The following NLRP2 variants were observed in gnomAD, a reference collection of about 807,000 sequenced individuals.
NLRP2 encodes NACHT, LRR and PYD domains-containing protein 2.
In NLRP2, 107 loss-of-function variants were observed where a neutral mutation model predicts 97.2. The observed-to-expected ratio is 1.10, with a 90% CI of 0.94 to 1.29. NLRP2 has a LOEUF of 1.29. NLRP2 is among the 50% of genes most tolerant of loss of function. NLRP2 has a pLI of 0.00. For synonymous variants in NLRP2, 663 were observed against 551.5 expected, an observed-to-expected ratio of 1.20 and a Z score of -2.83; for missense variants, 1,495 against 1,330.3, an observed-to-expected ratio of 1.12 and a Z score of -1.93.
chr19:54,981,213 AGG>A (rs1568489349), intron 4 of NLRP2, among the ~76,000 whole-genome samples: 4 of 151,798 alleles, frequency 2.6e-5, no homozygotes, highest in African/African-American at 9.7e-5. Flanking sequence ...TCTGTTGCCC[AGG>A]GTGGAGTGCA....
intron 12 of NLRP2, among the ~76,000 whole-genome samples, chr19:54,999,739 A>G (rs550860449): frequency 6.6e-6 from 1 of 152,234 alleles, no homozygotes; most frequent in South Asian, 2.1e-4. Context: ...TTTATTATTT[A>G]CTTCATTTAT....
chr19:55,000,173 G>GATAGGATGGCA (rs2073095710), intron 12 of NLRP2, among the ~76,000 whole-genome samples: 1 of 151,172 alleles, frequency 6.6e-6, no homozygotes, highest in Non-Finnish European at 1.5e-5. Flanking sequence ...CAGCTACTCG[G>GATAGGATGGCA]GAGGCAGAGG....
At position 54,986,382 on chromosome 19, in the gene NLRP2, T is replaced by A. The variant is rs563243088; in HGVS notation, c.2366+67T>A. ...AAGCTACCACAAGCTTATGTGGCAA[T>A]TTTGTGTAAATAAGAAAAAGTTCGT... On this transcript the variant is annotated intron_variant, in intron 8 of 12. Transcript: ENST00000448584. 2.0e-5 allele frequency: 29 copies of A among 1,484,810 alleles called. No homozygotes were observed. The African/African-American group carries it at 3.0e-4, about 16-fold the overall frequency. 92.0% of individuals were successfully genotyped at this position (1,484,810 alleles called of 1,614,324 possible). A position where few individuals can be genotyped will look rare whatever the true frequency, so the allele number is the denominator to read the frequency against.
At position 54,966,382 on chromosome 19, in the gene NLRP2, G is replaced by C. The variant is rs1200536974; in HGVS notation, c.-103G>C. The C allele has an allele frequency of 6.6e-6, 1 of 151,844 alleles. No individual in the cohort carries two copies. Among genetic ancestry groups the C allele is most frequent in the Non-Finnish European group, 1.5e-5 (1 of 67,992 alleles). 9.4% of individuals were successfully genotyped at this position (151,844 alleles called of 1,614,324 possible). A position where few individuals can be genotyped will look rare whatever the true frequency, so the allele number is the denominator to read the frequency against. ...ATTACGCCCCGAGGGCCAATCACAGGGCTGCGGCCGAGAGAGAAGCCTTAT... is the reference window on the plus strand; with the variant it reads ...ATTACGCCCCGAGGGCCAATCACAGCGCTGCGGCCGAGAGAGAAGCCTTAT... On this transcript the variant is annotated 5_prime_UTR_variant, in exon 1 of 13. Transcript: ENST00000448584.
rs17699678 is a variant in NLRP2 at position 54,982,360 on chromosome 19, C to G, written c.662C>G (p.Thr221Arg). Residue 221 changes from threonine (T) to arginine (R), a missense_variant, in exon 6 of 13, where the codon ACG (threonine) becomes AGG (arginine). Transcript: ENST00000448584. ...GGTCCTGCAGGCCTTGGGAAAACCA[C>G]GCTGGCCCAGAAACTAATGCTAGAC... ...LYGPAGLGKT[T>R]LAQKLMLDWA... The G allele has an allele frequency of 8.3e-5, 134 of 1,614,042 alleles. No individual in the cohort carries two copies. In the African/African-American group the frequency reaches 1.7e-3, roughly 20 times the overall value.
In NLRP2 at chr19:54,982,867, C is replaced by T. The variant is rs763226145; in HGVS notation, c.1169C>T (p.Ala390Val). 2 of 1,613,128 alleles carry T rather than the reference C, an allele frequency of 1.2e-6. No homozygotes were observed. Among genetic ancestry groups the T allele is most frequent in the Admixed American group, 1.7e-5 (1 of 60,018 alleles). Residue 390 changes from alanine to valine, a missense_variant, in exon 6 of 13, where the codon GCC becomes GTC. By Grantham distance (64) the Ala-to-Val change is moderately conservative. Coordinates refer to ENST00000448584, the MANE Select transcript of NLRP2 (RefSeq NM_017852.5). ...RAFELMRSNA[A>V]LFQLGSAPAV... The stretch of plus-strand genomic sequence containing the variant: ...TTTGAGCTAATGAGGAGCAACGCGG[C>T]CCTGTTCCAGCTGGGCTCGGCCCCC...
At chr19:54,975,160 C>G (rs2146372450) in intron 3 of NLRP2, among the ~76,000 whole-genome samples, 1 of 110,040 alleles carries the variant, frequency 9.1e-6, no homozygotes, top group African/African-American at 3.3e-5. Context: ...GGGCTTCACT[C>G]TGTCACTTAG....
In NLRP2 at chr19:54,984,329, G is replaced by GTTTTTTTTTTTTTTTTTTTT. The variant is rs200366059; in HGVS notation, c.2030+605_2030+624dup. On this transcript the variant is annotated intron_variant, in intron 6 of 12. Coordinates refer to ENST00000448584, the MANE Select transcript of NLRP2 (RefSeq NM_017852.5). Reference sequence around the variant, plus strand: ...AACTTAAGTGGGGGTTTTTTTTTGTGTTTTTTTTTTTTTTTTTTTTTTTGG... The same window carrying GTTTTTTTTTTTTTTTTTTTT: ...AACTTAAGTGGGGGTTTTTTTTTGTGTTTTTTTTTTTTTTTTTTTTTTTTTTTTTTTTTTTTTTTTTTTGG... Among the ~76,000 whole-genome samples, 32 of 79,668 alleles carry GTTTTTTTTTTTTTTTTTTTT rather than the reference G, an allele frequency of 4.0e-4. 4 individuals carry two copies. Among genetic ancestry groups the GTTTTTTTTTTTTTTTTTTTT allele is most frequent in the African/African-American group, 1.2e-3 (25 of 21,640 alleles). The allele number at this position is 79,668 out of a possible 152,430, so 52.3% of individuals were successfully genotyped here.
upstream of NLRP2, among the ~76,000 whole-genome samples, chr19:54,965,581 G>C (rs1412044001): frequency 1.6e-5 from 1 of 64,130 alleles, no homozygotes; most frequent in Non-Finnish European, 3.1e-5. Context: ...TCAGCCTCCC[G>C]AGTAGCTGGG....
chr19:54,972,815 G>A (rs1005575020), intron 2 of NLRP2, among the ~76,000 whole-genome samples: 1 of 152,042 alleles, frequency 6.6e-6, no homozygotes, highest in Non-Finnish European at 1.5e-5. Context: ...GACCATCAGT[G>A]GATGAATAAA....
At chr19:54,966,495 CTTCAT>C (rs1273262569) in intron 1 of NLRP2, 28 bp downstream of exon 1, 9 of 152,100 alleles carry the variant, frequency 5.9e-5, no homozygotes, top group African/African-American at 2.2e-4. Flanking sequence ...AGCTCTGCAA[CTTCAT>C]TTCTTTATTT....
Position 54,982,393 on chromosome 19 carries a change from A to AG in NLRP2, c.697dup (p.Asp233GlyfsTer36). 1.9e-6 allele frequency: 3 copies of AG among 1,614,166 alleles called. No individual in the cohort carries two copies. The highest frequency in any genetic ancestry group is 2.5e-6 in the Non-Finnish European group (3 of 1,180,040). On this transcript the variant is annotated frameshift_variant, in exon 6 of 13. Transcript: ENST00000448584. LOFTEE classifies it high-confidence loss of function. ...CAGAAACTAATGCTAGACTGGGCAG[A>AG]GGACAACCTCATCCACAAATTCAAA... is the stretch of plus-strand genomic sequence containing the variant.
At chr19:54,977,484 A>G (rs2071310492) in intron 3 of NLRP2, among the ~76,000 whole-genome samples, 1 of 64,646 alleles carries the variant, frequency 1.5e-5, no homozygotes, top group Non-Finnish European at 3.0e-5. Flanking sequence ...ATGCGTGAGT[A>G]GTTTGTGTGT....
At position 54,966,434 on chromosome 19, in the gene NLRP2, A is replaced by G. The variant is rs1238520461; in HGVS notation, c.-51A>G. The G allele has an allele frequency of 6.6e-6, 1 of 152,112 alleles. No individual in the cohort carries two copies. Among genetic ancestry groups the G allele is most frequent in the Non-Finnish European group, 1.5e-5 (1 of 68,030 alleles). The allele number at this position is 152,112 out of a possible 1,614,324, so 9.4% of individuals were successfully genotyped here. ...AGAGCTTTCTCAACCTGCAGCCCTC[A>G]TCTCCGCCGGCGAGTAGGGCCAGGT... On this transcript the variant is annotated 5_prime_UTR_variant, in exon 1 of 13. Transcript: ENST00000448584.
rs184561050 is a variant in NLRP2 at position 54,989,801 on chromosome 19, T to C, written c.2367-221T>C. The C allele has an allele frequency of 5.0e-4, 298 of 600,316 alleles. 1 individual carries two copies. The African/African-American group carries it at 5.1e-3, about 10-fold the overall frequency. The allele number at this position is 600,316 out of a possible 1,614,324, so 37.2% of individuals were successfully genotyped here. On this transcript the variant is annotated intron_variant, in intron 8 of 12. Coordinates refer to ENST00000448584, the MANE Select transcript of NLRP2 (RefSeq NM_017852.5). ...GAGTTTGAGACCAGCCTGACCAACA[T>C]GGAGAGACCCCCACCTCTACTGAAA...
intron 1 of NLRP2, 72 bp downstream of exon 1, chr19:54,966,539 C>A (rs1171586808): frequency 6.6e-6 from 1 of 152,028 alleles, no homozygotes; most frequent in Non-Finnish European, 1.5e-5. Context: ...AAAATTTCTC[C>A]TTTTATTTCA....
intron 3 of NLRP2, among the ~76,000 whole-genome samples, chr19:54,975,609 G>A (rs902418191): frequency 4.0e-5 from 6 of 149,932 alleles, no homozygotes; most frequent in Admixed American, 6.7e-5. Context: ...CCACCACCAC[G>A]CCTGGCTAAT....
At chr19:54,975,940 A>T (rs533965577) in intron 3 of NLRP2, among the ~76,000 whole-genome samples, 35 of 150,676 alleles carry the variant, frequency 2.3e-4, no homozygotes, top group Non-Finnish European at 4.7e-4. Context: ...TGGTAGGGAC[A>T]GTTTCACTAT....
intron 2 of NLRP2, among the ~76,000 whole-genome samples, chr19:54,970,572 CT>C (rs1359248409): frequency 6.6e-6 from 1 of 151,878 alleles, no homozygotes; most frequent in Non-Finnish European, 1.5e-5. Context: ...AGGAGAATCA[CT>C]TAAATCTAGG....
Sources: gnomAD v4.1 joint callset for allele counts (sites outside exome capture counted in the v4.1 genomes callset) on GRCh38, gnomAD v4.1.1 for gene constraint, MANE v1.5 for transcripts, NCBI Gene and HGNC (gene_info 2026-07-23, HGNC 2026-07-21) for gene names.